The following CREB5 variants were observed in gnomAD, a reference collection of about 807,000 sequenced individuals.
CREB5 encodes the protein cyclic AMP-responsive element-binding protein 5.
In CREB5, 19 loss-of-function variants were observed where a neutral mutation model predicts 57.1. The ratio of observed to expected loss-of-function variants is 0.33; its 90% confidence interval spans 0.23 to 0.49. CREB5 has a LOEUF of 0.49. Among genes scored for constraint, CREB5 ranks in the 20% least tolerant of loss-of-function variants. The pLI is 0.99. For missense variants in CREB5, 579 were observed against 671.6 expected, an observed-to-expected ratio of 0.86 and a Z score of 1.52; for synonymous variants, 238 against 238.3, an observed-to-expected ratio of 1.00 and a Z score of 0.01.
At chr7:28,376,728 T>C (rs1458548532) in intron 1 of CREB5, among the ~76,000 whole-genome samples, 1 of 152,206 alleles carries the variant, frequency 6.6e-6, no homozygotes, top group African/African-American at 2.4e-5. Context: ...GTTGTGATAA[T>C]AGTCTCCCTT....
intron 1 of CREB5, among the ~76,000 whole-genome samples, chr7:28,352,586 T>C (rs1300689251): frequency 3.3e-5 from 5 of 152,196 alleles, no homozygotes; most frequent in Non-Finnish European, 7.3e-5. Flanking sequence ...TGAGTTTCTC[T>C]TTGGGCTGGC....
At chr7:28,689,908 T>TGG (rs1267643793) in intron 5 of CREB5, among the ~76,000 whole-genome samples, 2 of 81,790 alleles carry the variant, frequency 2.4e-5, no homozygotes, top group South Asian at 4.6e-4. Flanking sequence ...TACTTGTATT[T>TGG]GGTGTGTGTG....
In CREB5 at chr7:28,824,638, A is replaced by C. The variant is rs921166846; in HGVS notation, c.*5359A>C. 6.5e-6 allele frequency: 1 copy of C among 152,694 alleles called. No individual in the cohort carries two copies. The highest frequency in any genetic ancestry group is 2.4e-5 in the African/African-American group (1 of 41,474). 9.5% of individuals were successfully genotyped at this position (152,694 alleles called of 1,614,324 possible). A position where few individuals can be genotyped will look rare whatever the true frequency, so the allele number is the denominator to read the frequency against. ...AAAAAACCTAGCTCATCATGTTGTG[A>C]AAATGAAAAAGTGAATGTCCATTCA... On this transcript the variant is annotated 3_prime_UTR_variant, in exon 11 of 11. Transcript: ENST00000357727.
intron 7 of CREB5, among the ~76,000 whole-genome samples, chr7:28,755,128 T>C (rs752155734): frequency 2.6e-5 from 4 of 152,196 alleles, no homozygotes. Flanking sequence ...GGGGGTTACA[T>C]GGTCCCTCTG....
In CREB5 at chr7:28,372,357, C is replaced by T. The variant is rs572276475; in HGVS notation, c.-25+72916C>T. Among the ~76,000 whole-genome samples, 6 of 152,228 alleles carry T rather than the reference C, an allele frequency of 3.9e-5. No homozygotes were observed. The East Asian group carries it at 5.8e-4, about 15-fold the overall frequency. On this transcript the variant is annotated intron_variant, in intron 1 of 9. Transcript: ENST00000396299. ...AGGAGTGGCCAAGTAATAATGGAGA[C>T]GTCCTGGTAATTTTAAAATTATTTA...
chr7:28,314,839 C>T (rs552247931), intron 1 of CREB5, among the ~76,000 whole-genome samples: 1 of 152,136 alleles, frequency 6.6e-6, no homozygotes, highest in Non-Finnish European at 1.5e-5. Context: ...AAGTGCTGTA[C>T]GGTCAGTAAA....
intron 5 of CREB5, among the ~76,000 whole-genome samples, chr7:28,675,362 C>T (rs1321840626): frequency 6.6e-6 from 1 of 152,182 alleles, no homozygotes; most frequent in African/African-American, 2.4e-5. Flanking sequence ...GTACAAAACA[C>T]AGCCCCCAGC....
chr7:28,606,225 C>T (rs1797126153), intron 5 of CREB5, among the ~76,000 whole-genome samples: 1 of 152,058 alleles, frequency 6.6e-6, no homozygotes, highest in African/African-American at 2.4e-5. Context: ...ACTTGTCTCA[C>T]CAAGAAAGAT....
At chr7:28,471,850 CA>C (rs1436580644) in intron 1 of CREB5, among the ~76,000 whole-genome samples, 4 of 151,984 alleles carry the variant, frequency 2.6e-5, no homozygotes, top group African/African-American at 9.7e-5. Flanking sequence ...AATATAGATA[CA>C]AAAAATGCAT....
intron 5 of CREB5, among the ~76,000 whole-genome samples, chr7:28,586,626 G>T (rs1796316838): frequency 6.6e-6 from 1 of 152,196 alleles, no homozygotes. Context: ...TCACCAGCAA[G>T]CATTTTCCTG....
intron 8 of CREB5, among the ~76,000 whole-genome samples, chr7:28,805,539 C>G (rs1808668683): frequency 6.6e-6 from 1 of 152,118 alleles, no homozygotes. Context: ...TGACTTTATA[C>G]CCGGCAGCTT....
chr7:28,483,084 T>A (rs1791399303), intron 1 of CREB5, among the ~76,000 whole-genome samples: 1 of 152,212 alleles, frequency 6.6e-6, no homozygotes, highest in African/African-American at 2.4e-5. Flanking sequence ...TGTCAATTTA[T>A]CCCCCCTCTG....
chr7:28,735,047 C>G (rs1272972872), intron 7 of CREB5, among the ~76,000 whole-genome samples: 1 of 152,106 alleles, frequency 6.6e-6, no homozygotes, highest in East Asian at 1.9e-4. Context: ...CCTTACTTTA[C>G]TAATTATACT....
intron 4 of CREB5, among the ~76,000 whole-genome samples, chr7:28,545,746 G>T (rs959565424): frequency 6.6e-5 from 10 of 152,006 alleles, no homozygotes; most frequent in Admixed American, 6.6e-4. Flanking sequence ...TTCCACTCTT[G>T]CTCTATTTTC....
At chr7:28,333,364 A>G (rs1785751748) in intron 1 of CREB5, among the ~76,000 whole-genome samples, 1 of 152,234 alleles carries the variant, frequency 6.6e-6, no homozygotes, top group African/African-American at 2.4e-5. Flanking sequence ...TGGCATATCC[A>G]TCAACTCAAG....
At chr7:28,696,624 A>G (rs1195728381) in intron 5 of CREB5, among the ~76,000 whole-genome samples, 4 of 152,104 alleles carry the variant, frequency 2.6e-5, no homozygotes, top group Admixed American at 2.6e-4. Context: ...AATTTTTTTG[A>G]TATGAGCAAT....
At chr7:28,816,053 A>ATG (rs1809419076) in intron 9 of CREB5, among the ~76,000 whole-genome samples, 1 of 125,576 alleles carries the variant, frequency 8.0e-6, no homozygotes, top group Non-Finnish European at 1.8e-5. Context: ...GCAAATATAT[A>ATG]CGCACACACA....
chr7:28,427,180 T>C (rs1365830785), intron 1 of CREB5, among the ~76,000 whole-genome samples: 1 of 152,242 alleles, frequency 6.6e-6, no homozygotes, highest in Non-Finnish European at 1.5e-5. Flanking sequence ...CATTTTTACA[T>C]TCTCTTGCAT....
chr7:28,610,888 CGTGT>C (rs368613839), intron 5 of CREB5, among the ~76,000 whole-genome samples: 1 of 147,760 alleles, frequency 6.8e-6, no homozygotes. Flanking sequence ...CGTGTGTGTG[CGTGT>C]GTGTGTGTGT....
Sources: allele counts gnomAD v4.1 joint callset (sites outside exome capture counted in the v4.1 genomes callset), GRCh38; gene constraint gnomAD v4.1.1; transcripts MANE v1.5; gene names NCBI Gene and HGNC (gene_info 2026-07-23, HGNC 2026-07-21).